The following RHOBTB1 variants were observed in gnomAD, a reference collection of about 807,000 sequenced individuals.
The protein encoded by RHOBTB1 is Rho related BTB domain containing 1.
In RHOBTB1, 40 loss-of-function variants were observed where a neutral mutation model predicts 71.6. That is an observed-to-expected ratio of 0.56 (90% CI 0.43 to 0.73). The LOEUF is 0.73. Ranked by LOEUF, RHOBTB1 falls within the 30% of genes least tolerant of loss-of-function variation. RHOBTB1 has a pLI of 0.00. For synonymous variants in RHOBTB1, 319 were observed against 334.9 expected (o/e 0.95, Z 0.52); for missense variants, 797 against 894.0 (o/e 0.89, Z 1.38).
At chr10:60,941,222 T>A (rs913976221) in intron 2 of RHOBTB1, among the ~76,000 whole-genome samples, 4 of 152,184 alleles carry the variant, frequency 2.6e-5, no homozygotes, top group Non-Finnish European at 5.9e-5. Flanking sequence ...AAAAACTTTT[T>A]AAAAAATCCT....
chr10:60,930,150 A>T (rs2084153545), intron 2 of RHOBTB1, among the ~76,000 whole-genome samples: 1 of 152,222 alleles, frequency 6.6e-6, no homozygotes, highest in Admixed American at 6.5e-5. Flanking sequence ...ATGTTTTAAA[A>T]GCAAATATAT....
chr10:60,889,871 T>C (rs769251082), intron 5 of RHOBTB1, among the ~76,000 whole-genome samples: 2 of 152,260 alleles, frequency 1.3e-5, no homozygotes, highest in Admixed American at 1.3e-4. Context: ...CGACAGTAAG[T>C]GCCTGATAAA....
intron 4 of RHOBTB1, among the ~76,000 whole-genome samples, chr10:60,894,227 A>G (rs1024061586): frequency 6.6e-6 from 1 of 152,228 alleles, no homozygotes; most frequent in African/African-American, 2.4e-5. Flanking sequence ...CTTACATTAA[A>G]TGTAATTCAC....
At chr10:60,972,451 C>T (rs1242518450) in intron 2 of RHOBTB1, among the ~76,000 whole-genome samples, 4 of 151,998 alleles carry the variant, frequency 2.6e-5, no homozygotes, top group South Asian at 2.1e-4. Context: ...AACCAAACAT[C>T]GCATGTTCTC....
At position 60,874,897 on chromosome 10, in the gene RHOBTB1, A is replaced by C. The variant is rs1337361543; in HGVS notation, c.1815+57T>G. The C allele has an allele frequency of 7.8e-6, 9 of 1,158,130 alleles. No homozygotes were observed. In the Admixed American group the frequency reaches 1.5e-4, roughly 20 times the overall value. The allele number at this position is 1,158,130 out of a possible 1,614,324, so 71.7% of individuals were successfully genotyped here. A position where few individuals can be genotyped will look rare whatever the true frequency, so the allele number is the denominator to read the frequency against. On this transcript the variant is annotated intron_variant, in intron 9 of 10. Transcript: ENST00000337910. Reference sequence around the variant, plus strand: ...AGATGCAACAATGGAATGTTTTATCAGCATTAAATGAACTGATTGAACACA... The same window carrying C: ...AGATGCAACAATGGAATGTTTTATCCGCATTAAATGAACTGATTGAACACA...
At chr10:60,887,273 C>T (rs1014188843) in intron 6 of RHOBTB1, among the ~76,000 whole-genome samples, 1 of 152,192 alleles carries the variant, frequency 6.6e-6, no homozygotes, top group Non-Finnish European at 1.5e-5. Context: ...GTAAATACTA[C>T]TCATAAGCTT....
chr10:60,976,184 A>G (rs1210285700), intron 2 of RHOBTB1, among the ~76,000 whole-genome samples: 1 of 151,998 alleles, frequency 6.6e-6, no homozygotes, highest in Non-Finnish European at 1.5e-5. Context: ...GGTGGCACAT[A>G]AGGAAAGCAG....
chr10:60,986,165 C>T (rs1565195289), intron 1 of RHOBTB1, among the ~76,000 whole-genome samples: 2 of 151,814 alleles, frequency 1.3e-5, no homozygotes, highest in African/African-American at 2.4e-5. Context: ...GGGGTCAAAT[C>T]GCACTCATAG....
At chr10:60,878,632 C>T (rs929612260) in intron 7 of RHOBTB1, among the ~76,000 whole-genome samples, 1 of 152,232 alleles carries the variant, frequency 6.6e-6, no homozygotes, top group Non-Finnish European at 1.5e-5. Context: ...ACTACTGGAA[C>T]GTTATCAGTT....
intron 2 of RHOBTB1, among the ~76,000 whole-genome samples, chr10:60,969,392 T>C (rs1408894132): frequency 6.6e-6 from 1 of 152,116 alleles, no homozygotes; most frequent in Non-Finnish European, 1.5e-5. Context: ...ATCCTGTTTT[T>C]GCAATACCCT....
At chr10:60,966,750 C>T (rs1301684602) in intron 2 of RHOBTB1, among the ~76,000 whole-genome samples, 1 of 151,284 alleles carries the variant, frequency 6.6e-6, no homozygotes, top group African/African-American at 2.4e-5. Flanking sequence ...AGGTTTGTTA[C>T]ATATGTATAC....
At chr10:60,883,875 T>A (rs1325894631) in intron 7 of RHOBTB1, among the ~76,000 whole-genome samples, 1 of 152,166 alleles carries the variant, frequency 6.6e-6, no homozygotes, top group Non-Finnish European at 1.5e-5. Flanking sequence ...AAGTCACTTG[T>A]AAGTGGAGGA....
intron 2 of RHOBTB1, among the ~76,000 whole-genome samples, chr10:60,970,252 T>G (rs1008582847): frequency 1.1e-4 from 17 of 152,106 alleles, no homozygotes; most frequent in African/African-American, 4.1e-4. Context: ...CTTATTATAT[T>G]AAAAATGTTT....
At chr10:60,897,004 G>C (rs2082191508) in intron 4 of RHOBTB1, among the ~76,000 whole-genome samples, 1 of 151,952 alleles carries the variant, frequency 6.6e-6, no homozygotes, top group Non-Finnish European at 1.5e-5. Context: ...CTTTCGAGGG[G>C]AACACTGGCC....
At chr10:60,874,712 G>C (rs2080958666) in intron 9 of RHOBTB1, among the ~76,000 whole-genome samples, 1 of 152,128 alleles carries the variant, frequency 6.6e-6, no homozygotes. Flanking sequence ...TATGAAGCTG[G>C]TGCCTTAGGG....
the RHOBTB1 span, among the ~76,000 whole-genome samples, chr10:60,861,044 G>T: frequency 1.3e-5 from 2 of 152,142 alleles, no homozygotes; most frequent in Non-Finnish European, 2.9e-5. Context: ...CAGGAGGAAG[G>T]CTGAATCAAG....
the RHOBTB1 span, among the ~76,000 whole-genome samples, chr10:60,862,618 T>C: frequency 1.3e-5 from 2 of 151,028 alleles, no homozygotes; most frequent in Non-Finnish European, 1.5e-5. Context: ...TCCCTTTCCT[T>C]CCTTCCTTCC....
intron 2 of RHOBTB1, among the ~76,000 whole-genome samples, chr10:60,936,831 T>C (rs576606580): frequency 6.6e-6 from 1 of 152,210 alleles, no homozygotes; most frequent in Non-Finnish European, 1.5e-5. Context: ...AACTTACATA[T>C]AATCAATTTG....
intron 2 of RHOBTB1, among the ~76,000 whole-genome samples, chr10:60,918,609 T>C (rs770051521): frequency 2.0e-5 from 3 of 152,130 alleles, no homozygotes; most frequent in Non-Finnish European, 4.4e-5. Flanking sequence ...GATGAGTGGG[T>C]AGGAAGAGAG....
Sources: gnomAD v4.1 joint callset for allele counts (sites outside exome capture counted in the v4.1 genomes callset) on GRCh38, gnomAD v4.1.1 for gene constraint, MANE v1.5 for transcripts, NCBI Gene and HGNC (gene_info 2026-07-23, HGNC 2026-07-21) for gene names.